The following TRPV5 variants were observed in gnomAD, a reference collection of about 807,000 sequenced individuals.
TRPV5 encodes the protein transient receptor potential cation channel subfamily V member 5, also known as calcium transport protein 2.
In TRPV5, 66 loss-of-function variants were observed where a neutral mutation model predicts 74.1. That is an observed-to-expected ratio of 0.89 (90% CI 0.73 to 1.09). The LOEUF is 1.09. TRPV5 is among the 50% of genes least tolerant of loss of function. The pLI, the probability that TRPV5 is intolerant of heterozygous loss-of-function variation, is 0.00. For synonymous variants in TRPV5, 399 were observed against 360.7 expected (o/e 1.11, Z -1.20); for missense variants, 936 against 930.4 (o/e 1.01, Z -0.08).
intron 5 of TRPV5, 71 bp downstream of exon 5, chr7:142,928,951 C>T: frequency 6.2e-7 from 1 of 1,612,060 alleles, no homozygotes; most frequent in East Asian, 2.2e-5. Context: ...CCTAAAGGTC[C>T]CAGCTCCACT....
intron 5 of TRPV5, 45 bp from the exon 6 acceptor site, chr7:142,928,911 C>T (rs374669855): frequency 9.3e-6 from 15 of 1,612,036 alleles, no homozygotes; most frequent in Middle Eastern, 1.7e-4. Flanking sequence ...CCTAAAGTCC[C>T]TGATGTCCCC....
intron 1 of TRPV5, among the ~76,000 whole-genome samples, chr7:142,930,808 C>A (rs370237143): frequency 3.9e-5 from 6 of 152,202 alleles, no homozygotes; most frequent in African/African-American, 1.2e-4. Flanking sequence ...TGTCTCAGAT[C>A]CTGGATAGTT....
intron 12 of TRPV5, among the ~76,000 whole-genome samples, chr7:142,914,158 T>C (rs1295200555): frequency 6.6e-6 from 1 of 152,254 alleles, no homozygotes; most frequent in Non-Finnish European, 1.5e-5. Context: ...TCTAATTCTT[T>C]CATATTTTTC....
chr7:142,930,292 G>A, intron 2 of TRPV5, 57 bp downstream of exon 2: 3 of 1,610,030 alleles, frequency 1.9e-6, no homozygotes, highest in South Asian at 2.2e-5. Context: ...CGAAGTCTTG[G>A]GGAGGAGGAG....
intron 8 of TRPV5, among the ~76,000 whole-genome samples, chr7:142,924,468 T>C (rs577777424): frequency 6.6e-6 from 1 of 150,752 alleles, no homozygotes; most frequent in African/African-American, 2.4e-5. Context: ...TAGGGTTCAT[T>C]TGGGCTCTTT....
rs1457648228 is a variant in TRPV5, at chr7:142,908,460, T to C, written c.*54A>G. The C allele has an allele frequency of 6.3e-7, 1 of 1,591,798 alleles. No individual in the cohort carries two copies. The highest frequency in any genetic ancestry group is 8.6e-7 in the Non-Finnish European group (1 of 1,164,116). On this transcript the variant is annotated 3_prime_UTR_variant, in exon 15 of 15. Transcript: ENST00000265310. ...TTGCATAGGCAGAGGTCTCCGTCTC[T>C]GTCCCCGCCCCCAGGCCAACCGGGA... is the stretch of plus-strand genomic sequence containing the variant.
chr7:142,912,798 A>T (rs889234824), intron 12 of TRPV5, 48 bp from the exon 13 acceptor site: 2 of 1,587,352 alleles, frequency 1.3e-6, no homozygotes, highest in Non-Finnish European at 1.7e-6. Flanking sequence ...TGGAGTTATC[A>T]CAATAAGCAT....
Position 142,908,252 on chromosome 7 carries a change from A to G in TRPV5, c.*262T>C, listed in dbSNP as rs1347869618. 2 of 559,378 alleles carry G rather than the reference A, an allele frequency of 3.6e-6. No homozygotes were observed. The highest frequency in any genetic ancestry group is 2.9e-5 in the East Asian group (1 of 34,108). 34.7% of individuals were successfully genotyped at this position (559,378 alleles called of 1,614,324 possible). On this transcript the variant is annotated 3_prime_UTR_variant, in exon 15 of 15. Coordinates refer to ENST00000265310, the MANE Select transcript of TRPV5 (RefSeq NM_019841.7). ...GACATTAATCTAGCATCCCTGCCTC[A>G]TGTCTTTAGTTGCCAACCTCCTTTT...
chr7:142,928,319 C>T, intron 6 of TRPV5, 85 bp from the exon 7 acceptor site: 1 of 1,478,072 alleles, frequency 6.8e-7, no homozygotes, highest in Non-Finnish European at 9.4e-7. Flanking sequence ...AGCCAGTTGC[C>T]CACCCCTTGA....
rs77044264 is a variant in TRPV5, at chr7:142,916,251, C to T, written c.1123-683G>A. ...ATTACAGAAAAGAGCAGAGAAGGGG[C>T]TAGAGACACTATGAGGAAGGGTCCC... is the stretch of plus-strand genomic sequence containing the variant. On this transcript the variant is annotated intron_variant, in intron 8 of 14. Transcript: ENST00000265310. Among the ~76,000 whole-genome samples the T allele has an allele frequency of 0.016, 2,400 of 152,240 alleles. 149 individuals carry two copies. In the East Asian group the frequency reaches 0.18, roughly 12 times the overall value.
Position 142,933,436 on chromosome 7 carries a change from T to G in TRPV5, c.24A>C (p.Ala8=). 6.2e-7 allele frequency: 1 copy of G among 1,613,946 alleles called. No individual in the cohort carries two copies. The highest frequency in any genetic ancestry group is 1.7e-4 in the Middle Eastern group (1 of 6,058). The change falls in exon 1 of 15, where the codon GCA becomes GCC. Residue 8 remains alanine, a synonymous_variant. Coordinates refer to ENST00000265310, the MANE Select transcript of TRPV5 (RefSeq NM_019841.7). ...TCTGGAGTTGGCTCCCGGGCCCTTC[T>G]GCCTTAGGTAGAAAACCCCCCATGT... MGGFLPK[A]EGPGSQLQKL...
At chr7:142,928,919 C>A in intron 5 of TRPV5, 53 bp from the exon 6 acceptor site, 4 of 1,611,734 alleles carry the variant, frequency 2.5e-6, no homozygotes. Flanking sequence ...CCCTGATGTC[C>A]CCATCCCCAC....
intron 8 of TRPV5, chr7:142,925,203 T>G: frequency 1.9e-6 from 1 of 532,890 alleles, no homozygotes; most frequent in South Asian, 2.8e-5. Context: ...TTTTGAGCAA[T>G]AGAGTTTACC....
At position 142,908,343 on chromosome 7, in the gene TRPV5, G is replaced by C. The variant is rs778746725; in HGVS notation, c.*171C>G. On this transcript the variant is annotated 3_prime_UTR_variant, in exon 15 of 15. Transcript: ENST00000265310. ...AGACAATCGATGACCATTGCCCATT[G>C]CCAGAAATTCTGATGTGAAGTGTGA... The C allele has an allele frequency of 2.6e-5, 19 of 723,648 alleles. No homozygotes were observed. Among genetic ancestry groups the C allele is most frequent in the Non-Finnish European group, 3.8e-5 (17 of 441,810 alleles). 44.8% of individuals were successfully genotyped at this position (723,648 alleles called of 1,614,324 possible).
At chr7:142,914,380 T>A (rs1187210498) in intron 12 of TRPV5, among the ~76,000 whole-genome samples, 1 of 152,200 alleles carries the variant, frequency 6.6e-6, no homozygotes, top group Admixed American at 6.5e-5. Context: ...TTTAAAGATC[T>A]TGCAAGGCAG....
In TRPV5 at chr7:142,915,072, A is replaced by T. The variant is rs754170726; in HGVS notation, c.1287-26T>A. 1.8e-5 allele frequency: 29 copies of T among 1,609,952 alleles called. No homozygotes were observed. The South Asian group carries it at 3.2e-4, about 18-fold the overall frequency. ...CTGGGGGAGCAGAAAGCAGAGAGTG[A>T]GAGACAAGCTGGAACTATTTTAGGT... On this transcript the variant is annotated intron_variant, in intron 10 of 14. Transcript: ENST00000265310.
rs1795649613 is a variant in TRPV5 at position 142,908,591 on chromosome 7, G to A, written c.2113C>T (p.Arg705Cys). 8 of 1,614,204 alleles carry A rather than the reference G, an allele frequency of 5.0e-6. No individual in the cohort carries two copies. The highest frequency in any genetic ancestry group is 1.7e-5 in the Admixed American group (1 of 60,034). The stretch of plus-strand genomic sequence containing the variant: ...TTCAAGTGCCCCAGGGTGTTTTGAC[G>A]AAGGATCTCCCAGCCTCGGTGACTG... Reference protein sequence around the residue: ...SSSHRGWEILRQNTLGHLNLG... With the variant: ...SSSHRGWEILCQNTLGHLNLG... Residue 705 changes from arginine to cysteine, a missense_variant, in exon 15 of 15, where the codon CGT becomes TGT. Arg to Cys is a radical substitution (Grantham distance 180). Transcript: ENST00000265310.
At chr7:142,914,797 T>C in intron 11 of TRPV5, 84 bp downstream of exon 11, 1 of 1,609,562 alleles carries the variant, frequency 6.2e-7, no homozygotes. Context: ...GCCCCCATAG[T>C]TCTACCAGCT....
intron 11 of TRPV5, 53 bp from the exon 12 acceptor site, chr7:142,914,759 T>A: frequency 4.3e-6 from 7 of 1,610,430 alleles, no homozygotes. Context: ...CCACTGCTTT[T>A]GAGCAGCTAA....
Sources: allele counts gnomAD v4.1 joint callset (sites outside exome capture counted in the v4.1 genomes callset), GRCh38; gene constraint gnomAD v4.1.1; transcripts MANE v1.5; gene names NCBI Gene and HGNC (gene_info 2026-07-23, HGNC 2026-07-21).